Variants in PPP6R3 observed in about 807,000 individuals in gnomAD.
PPP6R3 encodes protein phosphatase 6 regulatory subunit 3.
In PPP6R3, 38 loss-of-function variants were observed where a neutral mutation model predicts 110.7. That is an observed-to-expected ratio of 0.34 (90% confidence interval 0.26 to 0.45). The LOEUF is 0.45. PPP6R3 is among the 20% of genes least tolerant of loss of function. The probability of loss-of-function intolerance (pLI) is 1.00; values close to 1 mark genes in which losing one functional copy is unlikely to be tolerated. For missense variants in PPP6R3, 870 were observed against 1,062.4 expected (o/e 0.82, Z 2.52); for synonymous variants, 369 against 373.5 (o/e 0.99, Z 0.14).
At chr11:68,612,983 G>C (rs1326178383) in intron 23 of PPP6R3, 83 bp from the exon 24 acceptor site, 2 of 1,604,140 alleles carry the variant, frequency 1.2e-6, no homozygotes, top group Non-Finnish European at 1.7e-6. Context: ...AGTTGTCCCT[G>C]CCCTTGGGGA....
intron 14 of PPP6R3, among the ~76,000 whole-genome samples, chr11:68,576,952 C>T (rs2099533998): frequency 6.6e-6 from 1 of 152,162 alleles, no homozygotes; most frequent in South Asian, 2.1e-4. Flanking sequence ...GGGCTGTGCC[C>T]CCTACTTTGT....
At chr11:68,473,276 G>A (rs1183545907) in intron 1 of PPP6R3, among the ~76,000 whole-genome samples, 1 of 152,162 alleles carries the variant, frequency 6.6e-6, no homozygotes. Flanking sequence ...GATATAATCA[G>A]TTGTGCCCAA....
chr11:68,468,035 A>G (rs2098760936), intron 1 of PPP6R3, among the ~76,000 whole-genome samples: 1 of 152,108 alleles, frequency 6.6e-6, no homozygotes, highest in Non-Finnish European at 1.5e-5. Context: ...TGGCCTCCCA[A>G]AGTGTTGAAA....
intron 8 of PPP6R3, among the ~76,000 whole-genome samples, chr11:68,561,275 C>CT (rs1031312184): frequency 5.3e-5 from 8 of 151,932 alleles, no homozygotes; most frequent in Non-Finnish European, 7.4e-5. Flanking sequence ...TTTTTTCCAC[C>CT]TTTTTTTAGA....
chr11:68,515,580 C>G (rs964484306), intron 1 of PPP6R3, among the ~76,000 whole-genome samples: 1 of 152,238 alleles, frequency 6.6e-6, no homozygotes, highest in African/African-American at 2.4e-5. Context: ...TTAGAATCCA[C>G]TGCACATGAG....
chr11:68,493,874 G>T (rs576492367), intron 1 of PPP6R3, among the ~76,000 whole-genome samples: 9 of 151,024 alleles, frequency 6.0e-5, no homozygotes, highest in Non-Finnish European at 1.3e-4. Context: ...AGGCTGAGGC[G>T]GGTGGATCAC....
intron 2 of PPP6R3, among the ~76,000 whole-genome samples, chr11:68,527,937 C>T (rs1370686903): frequency 6.6e-6 from 1 of 152,208 alleles, no homozygotes; most frequent in Non-Finnish European, 1.5e-5. Flanking sequence ...CCATTCATCA[C>T]CTCCTAAATG....
chr11:68,561,568 A>T (rs1245530424), intron 8 of PPP6R3, among the ~76,000 whole-genome samples: 1 of 152,238 alleles, frequency 6.6e-6, no homozygotes, highest in Non-Finnish European at 1.5e-5. Context: ...ATATATCATA[A>T]CAAAGTATGG....
Position 68,604,037 on chromosome 11 carries a change from T to C in PPP6R3, c.2450+545T>C, listed in dbSNP as rs561047226. Among the ~76,000 whole-genome samples the C allele has an allele frequency of 5.3e-5, 8 of 152,322 alleles. No homozygotes were observed. In the South Asian group the frequency reaches 1.4e-3, roughly 28 times the overall value. On this transcript the variant is annotated intron_variant, in intron 22 of 23. Coordinates refer to ENST00000393800, the MANE Select transcript of PPP6R3 (RefSeq NM_001164161.2). ...AATGGGAAAAATGTCTGTCAAAACT[T>C]AAGGACTGAAGCTAAGCCTGTGCTT...
chr11:68,601,827 C>G (rs111350321), intron 20 of PPP6R3, 36 bp from the exon 21 acceptor site: 2 of 1,544,812 alleles, frequency 1.3e-6, no homozygotes, highest in African/African-American at 2.7e-5. Flanking sequence ...GGACCATTCC[C>G]TGCTGCTAAT....
intron 16 of PPP6R3, among the ~76,000 whole-genome samples, 182 bp downstream of exon 16, chr11:68,588,206 A>G (rs2099584648): frequency 6.6e-6 from 1 of 152,148 alleles, no homozygotes; most frequent in African/African-American, 2.4e-5. Context: ...GACTTAAAAT[A>G]ACACTGCAGT....
chr11:68,575,636 G>C lies in PPP6R3; in HGVS notation c.1460-322G>C, dbSNP rs191882989. Among the ~76,000 whole-genome samples the C allele has an allele frequency of 2.6e-4, 39 of 152,298 alleles. No homozygotes were observed. The East Asian group carries it at 7.2e-3, about 28-fold the overall frequency. Reference sequence around the variant, plus strand: ...AAGCTTGTTGGAAACACACTTTCCAGGTTAAGCTTCTACCAGAGCATTTTC... The same window carrying C: ...AAGCTTGTTGGAAACACACTTTCCACGTTAAGCTTCTACCAGAGCATTTTC... On this transcript the variant is annotated intron_variant, in intron 13 of 23. Coordinates refer to ENST00000393800, the MANE Select transcript of PPP6R3 (RefSeq NM_001164161.2).
chr11:68,551,248 G>A, intron 6 of PPP6R3, 62 bp downstream of exon 6: 1 of 1,233,226 alleles, frequency 8.1e-7, no homozygotes, highest in Non-Finnish European at 1.2e-6. Flanking sequence ...CTGTTTATTG[G>A]GCACAGAGCA....
At chr11:68,518,536 C>T (rs1012192844) in intron 1 of PPP6R3, among the ~76,000 whole-genome samples, 3 of 152,156 alleles carry the variant, frequency 2.0e-5, no homozygotes, top group African/African-American at 7.2e-5. Context: ...AGGACTCCAG[C>T]AGCACAGCCA....
chr11:68,500,582 A>G (rs10791981), intron 1 of PPP6R3, among the ~76,000 whole-genome samples: 35,109 of 152,150 alleles, frequency 0.23, 4,309 homozygotes, highest in Middle Eastern at 0.32. Flanking sequence ...GGTTCAAGCA[A>G]TTCTCCTACC....
intron 2 of PPP6R3, among the ~76,000 whole-genome samples, chr11:68,520,926 C>T (rs890910328): frequency 1.3e-5 from 2 of 152,168 alleles, no homozygotes; most frequent in African/African-American, 2.4e-5. Context: ...CGTGCACCAC[C>T]ACGCCCGGCT....
At chr11:68,552,670 G>A (rs1053368895) in intron 6 of PPP6R3, among the ~76,000 whole-genome samples, 1 of 152,200 alleles carries the variant, frequency 6.6e-6, no homozygotes, top group Non-Finnish European at 1.5e-5. Context: ...TGTGGCCTGT[G>A]CAGGCCGTGG....
chr11:68,491,382 G>A (rs1388214098), intron 1 of PPP6R3, among the ~76,000 whole-genome samples: 2 of 149,972 alleles, frequency 1.3e-5, no homozygotes, highest in Admixed American at 6.7e-5. Context: ...GTGTGTGTTT[G>A]AGACAGAGTC....
At chr11:68,541,748 G>A (rs975835254) in intron 3 of PPP6R3, among the ~76,000 whole-genome samples, 4 of 152,092 alleles carry the variant, frequency 2.6e-5, no homozygotes, top group Non-Finnish European at 5.9e-5. Context: ...TTCCACTGAG[G>A]GATGGAGGAG....
Sources: allele counts gnomAD v4.1 joint callset (sites outside exome capture counted in the v4.1 genomes callset), GRCh38; gene constraint gnomAD v4.1.1; transcripts MANE v1.5; gene names NCBI Gene and HGNC (gene_info 2026-07-23, HGNC 2026-07-21).